Variants in CADM2 observed in about 807,000 individuals in gnomAD.
CADM2 encodes the protein cell adhesion molecule 2.
In CADM2, 12 loss-of-function variants were observed where a neutral mutation model predicts 49.8. The ratio of observed to expected loss-of-function variants is 0.24; its 90% CI spans 0.15 to 0.39. CADM2 has a LOEUF of 0.39. Ranked by LOEUF, CADM2 falls within the 10% of genes least tolerant of loss-of-function variation. The probability of loss-of-function intolerance (pLI) is 1.00; values close to 1 mark genes in which losing one functional copy is unlikely to be tolerated. For synonymous variants in CADM2, 214 were observed against 175.4 expected (o/e 1.22, Z -1.74); for missense variants, 378 against 492.3 (o/e 0.77, Z 2.20).
rs577645484 is a variant in CADM2 at position 85,870,421 on chromosome 3, G to A, written c.239-12870G>A. ...TCCTTCCTCCCATCCTCCATCCTCA[G>A]GTAGGCCCTAGTGTCTGTTCCCTTC... is the stretch of plus-strand genomic sequence containing the variant. On this transcript the variant is annotated intron_variant, in intron 3 of 9. Coordinates refer to ENST00000383699, the MANE Select transcript of CADM2 (RefSeq NM_001167675.2). Among the ~76,000 whole-genome samples, 3 of 151,970 alleles carry A rather than the reference G, an allele frequency of 2.0e-5. No homozygotes were observed. In the East Asian group the frequency reaches 5.8e-4, roughly 30 times the overall value.
chr3:85,975,713 C>T (rs1202553359), intron 8 of CADM2, among the ~76,000 whole-genome samples: 1 of 151,522 alleles, frequency 6.6e-6, no homozygotes, highest in Non-Finnish European at 1.5e-5. Context: ...CAGGCAATTG[C>T]ATTTATAGTT....
chr3:85,943,020 T>C (rs993627321), intron 7 of CADM2, among the ~76,000 whole-genome samples: 1 of 152,084 alleles, frequency 6.6e-6, no homozygotes, highest in African/African-American at 2.4e-5. Context: ...TTTTAATGAT[T>C]CCCATTCTAA....
At chr3:85,176,749 A>T (rs953327055) in intron 1 of CADM2, among the ~76,000 whole-genome samples, 1 of 152,216 alleles carries the variant, frequency 6.6e-6, no homozygotes, top group Non-Finnish European at 1.5e-5. Context: ...CTACTACAAA[A>T]GATAAAGCTG....
At chr3:85,738,512 A>G (rs747195279) in intron 2 of CADM2, among the ~76,000 whole-genome samples, 2 of 152,212 alleles carry the variant, frequency 1.3e-5, no homozygotes. Flanking sequence ...TATTTAACAC[A>G]TCTGGCACAA....
chr3:85,643,605 A>G (rs990279781), intron 1 of CADM2, among the ~76,000 whole-genome samples: 2 of 152,148 alleles, frequency 1.3e-5, no homozygotes, highest in Non-Finnish European at 2.9e-5. Flanking sequence ...ACTTTAGATA[A>G]AGTAGAATCA....
chr3:85,450,119 C>T lies in CADM2; in HGVS notation c.62-276403C>T, dbSNP rs368570306. 8.5e-5 allele frequency among the ~76,000 whole-genome samples: 13 copies of T among 152,212 alleles called. 1 individual carries two copies. In the East Asian group the frequency reaches 2.1e-3, roughly 25 times the overall value. ...AAGAACTGTTTCGATGAAACCGAAA[C>T]ATCAAATCAGTGAAGAAAAAACTAT... On this transcript the variant is annotated intron_variant, in intron 1 of 9. Transcript: ENST00000383699.
At chr3:85,598,464 G>T (rs62263910) in intron 1 of CADM2, among the ~76,000 whole-genome samples, 78,002 of 151,766 alleles carry the variant, frequency 0.51, 23,060 homozygotes, top group East Asian at 0.85. Flanking sequence ...AATTAATAGT[G>T]TCATCCACTT....
chr3:85,524,841 C>A (rs1274475579), intron 1 of CADM2, among the ~76,000 whole-genome samples: 1 of 152,064 alleles, frequency 6.6e-6, no homozygotes, highest in African/African-American at 2.4e-5. Flanking sequence ...TGTGTAAATC[C>A]TTAGTGTTTT....
At chr3:85,706,606 T>G (rs1197104552) in intron 1 of CADM2, among the ~76,000 whole-genome samples, 1 of 152,216 alleles carries the variant, frequency 6.6e-6, no homozygotes, top group Non-Finnish European at 1.5e-5. Context: ...TTGTTTATGA[T>G]GATTATTTAC....
At chr3:85,749,001 T>C (rs2068748069) in intron 2 of CADM2, among the ~76,000 whole-genome samples, 1 of 152,036 alleles carries the variant, frequency 6.6e-6, no homozygotes, top group Non-Finnish European at 1.5e-5. Context: ...CAATAAGCTT[T>C]TCAGAGTATA....
At chr3:85,229,990 C>G (rs1221655796) in intron 1 of CADM2, among the ~76,000 whole-genome samples, 1 of 152,164 alleles carries the variant, frequency 6.6e-6, no homozygotes, top group Non-Finnish European at 1.5e-5. Flanking sequence ...ATGAGAAAGA[C>G]ACGTGGGTCT....
intron 1 of CADM2, among the ~76,000 whole-genome samples, chr3:85,624,727 A>T (rs1054492938): frequency 6.6e-6 from 1 of 152,188 alleles, no homozygotes; most frequent in Non-Finnish European, 1.5e-5. Context: ...CTTCATTCAC[A>T]TTATTCCCAG....
chr3:85,281,181 A>T (rs1418471160), intron 1 of CADM2, among the ~76,000 whole-genome samples: 1 of 151,904 alleles, frequency 6.6e-6, no homozygotes, highest in Non-Finnish European at 1.5e-5. Flanking sequence ...TCAGAACAGA[A>T]CATTGAATAG....
intron 6 of CADM2, among the ~76,000 whole-genome samples, chr3:85,918,358 C>T (rs1330704419): frequency 1.3e-5 from 2 of 152,158 alleles, no homozygotes; most frequent in Admixed American, 1.3e-4. Flanking sequence ...GAGTTTTTAA[C>T]ATGAAAGGTT....
chr3:86,030,423 T>G (rs1432544111), intron 8 of CADM2, among the ~76,000 whole-genome samples: 7 of 152,160 alleles, frequency 4.6e-5, no homozygotes, highest in South Asian at 4.1e-4. Flanking sequence ...TTTATAGACA[T>G]GTAATTCAGT....
chr3:85,703,043 C>G (rs151128486), intron 1 of CADM2, among the ~76,000 whole-genome samples: 1 of 152,110 alleles, frequency 6.6e-6, no homozygotes, highest in African/African-American at 2.4e-5. Context: ...GAAATGCACA[C>G]AAACACACAT....
At chr3:85,944,542 T>C (rs1016866133) in intron 7 of CADM2, among the ~76,000 whole-genome samples, 1 of 152,020 alleles carries the variant, frequency 6.6e-6, no homozygotes, top group African/African-American at 2.4e-5. Context: ...CCTCAGCAAA[T>C]GTAAAATAAT....
intron 1 of CADM2, among the ~76,000 whole-genome samples, chr3:85,100,961 A>G (rs1416284694): frequency 1.3e-5 from 2 of 152,178 alleles, no homozygotes; most frequent in African/African-American, 4.8e-5. Context: ...GATGTCATAC[A>G]AATCAACCTA....
At chr3:85,315,690 A>C (rs1454463494) in intron 1 of CADM2, among the ~76,000 whole-genome samples, 1 of 152,180 alleles carries the variant, frequency 6.6e-6, no homozygotes, top group Non-Finnish European at 1.5e-5. Context: ...ATATCAAGTA[A>C]ACAAAAATTC....
Sources: allele counts gnomAD v4.1 joint callset (sites outside exome capture counted in the v4.1 genomes callset), GRCh38; gene constraint gnomAD v4.1.1; transcripts MANE v1.5; gene names NCBI Gene and HGNC (gene_info 2026-07-23, HGNC 2026-07-21).